Variants in TBC1D30 observed in about 807,000 individuals in gnomAD.
The protein encoded by TBC1D30 is TBC1 domain family member 30.
A neutral mutation model predicts 63.2 loss-of-function variants in TBC1D30; 31 were observed. That is an observed-to-expected ratio of 0.49 (90% CI 0.37 to 0.66). The LOEUF is 0.66. Ranked by LOEUF, TBC1D30 falls within the 30% of genes least tolerant of loss-of-function variation. The pLI is 0.00. For synonymous variants in TBC1D30, 307 were observed against 361.5 expected, an observed-to-expected ratio of 0.85 and a Z score of 1.71; for missense variants, 810 against 953.6, an observed-to-expected ratio of 0.85 and a Z score of 1.98.
In TBC1D30 at chr12:64,875,082, T is replaced by A; in HGVS notation, c.1580T>A (p.Met527Lys). The change falls in exon 12 of 12, where the codon ATG becomes AAG. Residue 527 changes from methionine to lysine, a missense_variant. Transcript: ENST00000539867. ...VINHLLLGKK[M>K]KMTNRAAKNA... The stretch of plus-strand genomic sequence containing the variant: ...AACCACCTTCTTTTAGGAAAGAAGA[T>A]GAAAATGACTAACAGAGCTGCCAAG... The A allele has an allele frequency of 2.0e-6, 3 of 1,536,520 alleles. No homozygotes were observed. The highest frequency in any genetic ancestry group is 1.4e-5 in the African/African-American group (1 of 73,146).
intron 8 of TBC1D30, among the ~76,000 whole-genome samples, chr12:64,863,840 A>G (rs1276857179): frequency 2.6e-5 from 4 of 152,260 alleles, no homozygotes; most frequent in Admixed American, 2.0e-4. Context: ...TTCCTAGGAA[A>G]GCATTATCAG....
chr12:64,844,114 A>AAC (rs1344398454), intron 8 of TBC1D30, among the ~76,000 whole-genome samples: 1 of 152,178 alleles, frequency 6.6e-6, no homozygotes, highest in African/African-American at 2.4e-5. Flanking sequence ...TGTGGGGGGA[A>AAC]ACACTTATTG....
chr12:64,879,706 G>A lies in TBC1D30; in HGVS notation c.*3918G>A, dbSNP rs2136504160. 6.6e-6 allele frequency: 1 copy of A among 152,242 alleles called. No individual in the cohort carries two copies. Among genetic ancestry groups the A allele is most frequent in the East Asian group, 1.9e-4 (1 of 5,182 alleles). 9.4% of individuals were successfully genotyped at this position (152,242 alleles called of 1,614,324 possible). ...CATTAAGTAAGATGTTGAGGTTTCT[G>A]GTAGGTGCCTATTATTAGGTTAAGA... On this transcript the variant is annotated 3_prime_UTR_variant, in exon 12 of 12. Transcript: ENST00000539867.
At chr12:64,776,404 A>G (rs1412440486), upstream of TBC1D30, among the ~76,000 whole-genome samples, 1 of 152,222 alleles carries the variant, frequency 6.6e-6, no homozygotes, top group Admixed American at 6.5e-5. Context: ...AAATAAACAC[A>G]GTGAAAAATG....
chr12:64,840,173 C>G (rs1355234141), intron 7 of TBC1D30, among the ~76,000 whole-genome samples: 1 of 152,030 alleles, frequency 6.6e-6, no homozygotes, highest in East Asian at 1.9e-4. Flanking sequence ...ATTTGGTGTG[C>G]TATTTACTTA....
intron 1 of TBC1D30, among the ~76,000 whole-genome samples, chr12:64,827,340 T>A (rs1365086161): frequency 6.6e-6 from 1 of 152,236 alleles, no homozygotes; most frequent in East Asian, 1.9e-4. Context: ...TCCCAGCTAT[T>A]TGGGAGGCTG....
chr12:64,851,735 T>G (rs1367662914), intron 8 of TBC1D30, among the ~76,000 whole-genome samples: 1 of 152,236 alleles, frequency 6.6e-6, no homozygotes, highest in Non-Finnish European at 1.5e-5. Context: ...ACAAAATCTC[T>G]CAGCATTTGC....
intron 6 of TBC1D30, among the ~76,000 whole-genome samples, chr12:64,837,082 T>C (rs1875433245): frequency 6.6e-6 from 1 of 152,206 alleles, no homozygotes; most frequent in South Asian, 2.1e-4. Flanking sequence ...CGCTGCTATC[T>C]ATTGGGCATC....
chr12:64,812,266 G>C (rs1022203661), intron 2 of TBC1D30, among the ~76,000 whole-genome samples: 2 of 151,694 alleles, frequency 1.3e-5, no homozygotes, highest in Non-Finnish European at 2.9e-5. Flanking sequence ...CTTGTTTCTT[G>C]GGTAATAATA....
chr12:64,830,290 T>TCTTGTCGAATGCAATAACTA (rs1874731029), intron 3 of TBC1D30, 87 bp from the exon 4 acceptor site: 2 of 1,324,582 alleles, frequency 1.5e-6, no homozygotes, highest in South Asian at 3.3e-5. Flanking sequence ...CTTCCCATTT[T>TCTTGTCGAATGCAATAACTA]CTTGTCGAAT....
At chr12:64,770,020 G>A (rs1565634363) in intron 1 of TBC1D30, among the ~76,000 whole-genome samples, 1 of 152,020 alleles carries the variant, frequency 6.6e-6, no homozygotes, top group Non-Finnish European at 1.5e-5. Flanking sequence ...ACTTTTATAC[G>A]ATTCAAAGTG....
intron 8 of TBC1D30, among the ~76,000 whole-genome samples, chr12:64,849,851 A>ACC: frequency 6.6e-6 from 1 of 152,070 alleles, no homozygotes; most frequent in Non-Finnish European, 1.5e-5. Context: ...TGAATCTGTA[A>ACC]ATTACTTTGG....
intron 2 of TBC1D30, among the ~76,000 whole-genome samples, chr12:64,790,153 A>C (rs1871837984): frequency 6.6e-6 from 1 of 152,194 alleles, no homozygotes. Flanking sequence ...AGCAAGAATA[A>C]ATTTATAACA....
rs1473146015 is a variant in TBC1D30, at chr12:64,878,768, A to G, written c.*2980A>G. 1.8e-5 allele frequency: 6 copies of G among 331,254 alleles called. No homozygotes were observed. The highest frequency in any genetic ancestry group is 3.6e-5 in the Non-Finnish European group (6 of 167,914). 20.5% of individuals were successfully genotyped at this position (331,254 alleles called of 1,614,324 possible). A position where few individuals can be genotyped will look rare whatever the true frequency, so the allele number is the denominator to read the frequency against. On this transcript the variant is annotated 3_prime_UTR_variant, in exon 12 of 12. Coordinates refer to ENST00000539867, the MANE Select transcript of TBC1D30 (RefSeq NM_015279.2). The stretch of plus-strand genomic sequence containing the variant: ...CCAGGGAAACAGCCCAATAAGCTCT[A>G]TCTCCCCCAGTCTAATCGCTGGGTT...
intron 8 of TBC1D30, among the ~76,000 whole-genome samples, chr12:64,861,312 C>G (rs1267534649): frequency 1.3e-5 from 2 of 152,146 alleles, no homozygotes; most frequent in African/African-American, 4.8e-5. Flanking sequence ...AGTAAATAGA[C>G]TTGTTAGTTT....
intron 2 of TBC1D30, among the ~76,000 whole-genome samples, chr12:64,813,685 A>G (rs1873354636): frequency 6.6e-6 from 1 of 152,196 alleles, no homozygotes; most frequent in African/African-American, 2.4e-5. Flanking sequence ...ATAGTGTTTG[A>G]ATTTTTTAAT....
rs1219012567 is a variant in TBC1D30, at chr12:64,836,674, A to G, written c.763+16A>G. On this transcript the variant is annotated intron_variant, in intron 6 of 11. Transcript: ENST00000539867. The stretch of plus-strand genomic sequence containing the variant: ...GAAAGTGGAGGTAGGTTTCAATGCT[A>G]TTATAACTCTGAAAATATTTGTCTT... 1.3e-6 allele frequency: 2 copies of G among 1,519,370 alleles called. No individual in the cohort carries two copies. Among genetic ancestry groups the G allele is most frequent in the African/African-American group, 1.4e-5 (1 of 72,678 alleles). 94.1% of individuals were successfully genotyped at this position (1,519,370 alleles called of 1,614,324 possible). A position where few individuals can be genotyped will look rare whatever the true frequency, so the allele number is the denominator to read the frequency against.
intron 8 of TBC1D30, among the ~76,000 whole-genome samples, chr12:64,863,053 C>T (rs139719788): frequency 5.9e-5 from 9 of 152,280 alleles, no homozygotes; most frequent in Non-Finnish European, 1.2e-4. Context: ...AGCGAGGTAG[C>T]TGTTGCATAG....
At chr12:64,871,870 C>G (rs1878683910) in intron 11 of TBC1D30, among the ~76,000 whole-genome samples, 1 of 152,140 alleles carries the variant, frequency 6.6e-6, no homozygotes, top group Non-Finnish European at 1.5e-5. Flanking sequence ...TTTGTACAGT[C>G]CCTTTTTAAC....
Sources: allele counts gnomAD v4.1 joint callset (sites outside exome capture counted in the v4.1 genomes callset), GRCh38; gene constraint gnomAD v4.1.1; transcripts MANE v1.5; gene names NCBI Gene and HGNC (gene_info 2026-07-23, HGNC 2026-07-21).